ATG16L2: variants seen among roughly 807,000 people sequenced by gnomAD.
The protein encoded by ATG16L2 is autophagy related 16 like 2, also known as protein Atg16l2.
Under a neutral mutation model 84.7 loss-of-function variants are expected in ATG16L2, and 77 were observed. The ratio of observed to expected loss-of-function variants is 0.91; its 90% CI spans 0.76 to 1.10. The LOEUF (loss-of-function observed/expected upper bound fraction) is 1.10. Ranked by LOEUF, ATG16L2 falls within the 50% of genes least tolerant of loss-of-function variation. ATG16L2 has a pLI of 0.00. For synonymous variants in ATG16L2, 361 were observed against 342.8 expected, an observed-to-expected ratio of 1.05 and a Z score of -0.59; for missense variants, 782 against 817.6, an observed-to-expected ratio of 0.96 and a Z score of 0.53.
chr11:72,841,600 C>T lies in ATG16L2; in HGVS notation c.*22-1017C>T, dbSNP rs75772023. On this transcript the variant is annotated intron_variant, in intron 5 of 5. Transcript: ENST00000534905. The stretch of plus-strand genomic sequence containing the variant: ...AGGAGAGATCTGCAGCAAAGGGAAG[C>T]GAGGTTACCCGGTGCTCCCCTCCAG... The T allele has an allele frequency of 7.2e-3, 11,372 of 1,581,910 alleles. 65 individuals are homozygous for T. Among genetic ancestry groups the T allele is most frequent in the South Asian group, 0.013 (1,155 of 86,328 alleles).
chr11:72,831,700 G>A (rs1860611121), downstream of ATG16L2, among the ~76,000 whole-genome samples: 1 of 152,264 alleles, frequency 6.6e-6, no homozygotes, highest in East Asian at 1.9e-4. Context: ...TGGCTGGGGA[G>A]ACCGACACTC....
At position 72,821,320 on chromosome 11, in the gene ATG16L2, G is replaced by A. The variant is rs904187793; in HGVS notation, c.319-348G>A. On this transcript the variant is annotated intron_variant, in intron 3 of 17. Coordinates refer to ENST00000321297, the MANE Select transcript of ATG16L2 (RefSeq NM_033388.2). ...GGCAGCCTCTGCGCGAGGAGTCCTC[G>A]CAGTGGTTATGCATGGTGCTGGGAG... The A allele has an allele frequency of 4.7e-6, 5 of 1,074,024 alleles. No individual in the cohort carries two copies. The African/African-American group carries it at 6.7e-5, about 14-fold the overall frequency. The allele number at this position is 1,074,024 out of a possible 1,614,324, so 66.5% of individuals were successfully genotyped here.
At chr11:72,841,625 G>T in intron 5 of ATG16L2, 1 of 1,541,542 alleles carries the variant, frequency 6.5e-7, no homozygotes. Context: ...CTCCCCTCCA[G>T]GAAGGAGAGC....
chr11:72,835,840 G>A (rs763786268), intron 5 of ATG16L2, among the ~76,000 whole-genome samples: 12 of 149,686 alleles, frequency 8.0e-5, no homozygotes, highest in Non-Finnish European at 1.3e-4. Flanking sequence ...CCTCTGCCTC[G>A]CAGGTTCAAG....
At position 72,836,677 on chromosome 11, in the gene ATG16L2, A is replaced by G. The variant is rs1215042483; in HGVS notation, c.*22-5940A>G. 5.2e-5 allele frequency: 8 copies of G among 152,724 alleles called. No homozygotes were observed. In the East Asian group the frequency reaches 1.5e-3, roughly 29 times the overall value. 9.5% of individuals were successfully genotyped at this position (152,724 alleles called of 1,614,324 possible). A position where few individuals can be genotyped will look rare whatever the true frequency, so the allele number is the denominator to read the frequency against. The stretch of plus-strand genomic sequence containing the variant: ...TAAAGGAGGGCCCAGGAATGTTTTT[A>G]TAAGAAGCATGGGCCTTTTGGAAAG... On this transcript the variant is annotated intron_variant, in intron 5 of 5. Coordinates refer to the ATG16L2 transcript ENST00000534905.
chr11:72,823,593 C>T (rs1260170162), intron 7 of ATG16L2: 1 of 426,778 alleles, frequency 2.3e-6, no homozygotes. Flanking sequence ...GTGAAGAAAC[C>T]GTGGGGAGGG....
chr11:72,841,364 A>G (rs1223708737), intron 5 of ATG16L2: 3 of 1,000,854 alleles, frequency 3.0e-6, no homozygotes. Flanking sequence ...AAAAAAAAAA[A>G]GCAAATGCAG....
At chr11:72,828,126 G>A (rs979612063) in intron 14 of ATG16L2, among the ~76,000 whole-genome samples, 1 of 151,850 alleles carries the variant, frequency 6.6e-6, no homozygotes, top group African/African-American at 2.4e-5. Flanking sequence ...TGACCCAAAG[G>A]TTTCAAAGGC....
chr11:72,842,612 C>T lies in ATG16L2; in HGVS notation c.*22-5C>T, dbSNP rs370065778. On this transcript the variant is annotated splice_polypyrimidine_tract_variant and splice_region_variant and intron_variant, in intron 5 of 5. Transcript: ENST00000534905. ...ATCTTTTAATTCAACTGTCTCCCCT[C>T]TCAGGTACCTGAATCTCTCTCATCC... 77 of 1,613,986 alleles carry T rather than the reference C, an allele frequency of 4.8e-5. No individual in the cohort carries two copies. The African/African-American group carries it at 9.9e-4, about 21-fold the overall frequency.
At chr11:72,834,329 C>T, downstream of ATG16L2, among the ~76,000 whole-genome samples, 2 of 152,214 alleles carry the variant, frequency 1.3e-5, no homozygotes, top group East Asian at 3.8e-4. Flanking sequence ...CTGGGTTCTT[C>T]AGGCAGTGAG....
At chr11:72,836,732 A>C (rs577864620) in intron 5 of ATG16L2, 27 of 152,716 alleles carry the variant, frequency 1.8e-4, no homozygotes, top group Non-Finnish European at 4.4e-5. Flanking sequence ...TCTATATTAA[A>C]ACTTAGAAAA....
chr11:72,825,433 A>C (rs1477637617), intron 10 of ATG16L2, 26 bp downstream of exon 10: 2 of 1,581,772 alleles, frequency 1.3e-6, no homozygotes, highest in Admixed American at 1.7e-5. Context: ...CTGCCGGCCA[A>C]CTTGGTGCTT....
At chr11:72,817,172 C>T (rs1220405905) in intron 2 of ATG16L2, among the ~76,000 whole-genome samples, 2 of 152,118 alleles carry the variant, frequency 1.3e-5, no homozygotes, top group African/African-American at 2.4e-5. Context: ...GGTCTTGCTA[C>T]CTGTTGCAAA....
At chr11:72,824,231 T>C (rs1860197354) in intron 8 of ATG16L2, 109 bp downstream of exon 8, 2 of 1,373,546 alleles carry the variant, frequency 1.5e-6, no homozygotes, top group Non-Finnish European at 1.0e-6. Flanking sequence ...TGTGCAGCTG[T>C]CTGCCTGTGA....
At chr11:72,828,640 C>T in intron 15 of ATG16L2, 89 bp from the exon 16 acceptor site, 1 of 1,596,700 alleles carries the variant, frequency 6.3e-7, no homozygotes, top group South Asian at 1.1e-5. Flanking sequence ...TACCAAACCC[C>T]TCGACAAAGA....
intron 10 of ATG16L2, 58 bp from the exon 11 acceptor site, chr11:72,826,115 C>T: frequency 2.8e-6 from 4 of 1,418,762 alleles, no homozygotes; most frequent in Non-Finnish European, 3.9e-6. Context: ...AATCCCAATT[C>T]CTCCATTTTG....
At chr11:72,839,663 T>C (rs1049517996) in intron 5 of ATG16L2, among the ~76,000 whole-genome samples, 4 of 152,064 alleles carry the variant, frequency 2.6e-5, no homozygotes, top group Non-Finnish European at 4.4e-5. Context: ...TTTACCAAGA[T>C]AGGCAATATG....
At chr11:72,837,429 T>A (rs1293147213) in intron 5 of ATG16L2, 4 of 150,332 alleles carry the variant, frequency 2.7e-5, no homozygotes. Flanking sequence ...ATACAACTTG[T>A]AGATTAAATT....
rs577795525 is a variant in ATG16L2 at position 72,822,420 on chromosome 11, G to C, written c.645-58G>C. 451 of 1,610,032 alleles carry C rather than the reference G, an allele frequency of 2.8e-4. 5 individuals carry two copies. The South Asian group carries it at 4.5e-3, about 16-fold the overall frequency. On this transcript the variant is annotated intron_variant, in intron 5 of 17. Coordinates refer to ENST00000321297, the MANE Select transcript of ATG16L2 (RefSeq NM_033388.2). This position sits in a 1 kb window ranked among gnomAD's most constrained non-coding sequence, Gnocchi z 4.2. Reference sequence around the variant, plus strand: ...CCCCTGGAGGAAGGGACCGGGTCTAGCCCCGCCTGCGTGCGAGGCGCCGCG... The same window carrying C: ...CCCCTGGAGGAAGGGACCGGGTCTACCCCCGCCTGCGTGCGAGGCGCCGCG...
Sources: gnomAD v4.1 joint callset for allele counts (sites outside exome capture counted in the v4.1 genomes callset) on GRCh38, gnomAD v4.1.1 for gene constraint, Gnocchi (gnomAD v3.1) non-coding constraint, MANE v1.5 for transcripts, NCBI Gene and HGNC (gene_info 2026-07-23, HGNC 2026-07-21) for gene names.